FANCM: variants seen among roughly 807,000 people sequenced by gnomAD.
FANCM encodes the protein FA complementation group M.
FANCM carries 140 observed loss-of-function variants against 199.5 expected under a neutral mutation model. That is an observed-to-expected ratio of 0.70 (90% CI 0.61 to 0.81). The LOEUF (loss-of-function observed/expected upper bound fraction) is 0.81, where lower values mean the gene tolerates loss of function less well. FANCM is among the 30% of genes least tolerant of loss of function. FANCM has a pLI of 0.00. For synonymous variants in FANCM, 840 were observed against 836.8 expected (o/e 1.00, Z -0.07); for missense variants, 2,410 against 2,421.4 (o/e 1.00, Z 0.10).
chr14:45,167,438 A>G, intron 11 of FANCM: 1 of 393,736 alleles, frequency 2.5e-6, no homozygotes. Flanking sequence ...GAAAGAAAAC[A>G]GTTTTATTTT....
chr14:45,169,291 G>T (rs1026849206), intron 11 of FANCM, among the ~76,000 whole-genome samples: 9 of 151,906 alleles, frequency 5.9e-5, no homozygotes, highest in African/African-American at 1.9e-4. Context: ...TGGATGTCAG[G>T]TCTGAAAGGG....
intron 9 of FANCM, 48 bp from the exon 10 acceptor site, chr14:45,164,311 G>A: frequency 7.0e-7 from 1 of 1,431,000 alleles, no homozygotes; most frequent in Non-Finnish European, 9.8e-7. Context: ...TTGATCTACA[G>A]TTCTCTTACA....
In FANCM at chr14:45,170,596, G is replaced by T; in HGVS notation, c.2010G>T (p.Arg670Ser). ...TATTTTTTCAACTTATAGGAATGAG[G>T]CAAAGTAGCCTAAAGAAAGATTGGT... The part of the protein sequence containing the change: ...SSIFSYRDGM[R>S]QSSLKKDWFL... The change falls in exon 12 of 23, where the codon AGG becomes AGT. Residue 670 changes from arginine (R) to serine (S), a missense_variant. Arg to Ser is a moderately radical substitution (Grantham distance 110). Transcript: ENST00000267430. The T allele has an allele frequency of 6.3e-7, 1 of 1,598,438 alleles. No homozygotes were observed. Among genetic ancestry groups the T allele is most frequent in the Non-Finnish European group, 8.6e-7 (1 of 1,166,730 alleles).
chr14:45,142,968 C>T (rs1886081821), intron 3 of FANCM, among the ~76,000 whole-genome samples: 1 of 151,982 alleles, frequency 6.6e-6, no homozygotes, highest in Non-Finnish European at 1.5e-5. Context: ...AGTGGTGGTT[C>T]TTGGCTTGCA....
At chr14:45,195,838 A>G (rs1890024389) in intron 20 of FANCM, among the ~76,000 whole-genome samples, 1 of 152,214 alleles carries the variant, frequency 6.6e-6, no homozygotes, top group South Asian at 2.1e-4. Flanking sequence ...TAATCTGCTC[A>G]AAGGTTATTT....
At position 45,173,151 on chromosome 14, in the gene FANCM, G is replaced by T. The variant is rs1888448129; in HGVS notation, c.2257G>T (p.Asp753Tyr). Residue 753 changes from aspartate to tyrosine, a missense_variant, in exon 13 of 23, where the codon GAT (aspartate) becomes TAT (tyrosine). Coordinates refer to ENST00000267430, the MANE Select transcript of FANCM (RefSeq NM_020937.4). ...GCCTACACATCAAGTTGATCACTCA[G>T]ATCGATGCCGCCATTTTATAGGCCT... ...PLPTHQVDHS[D>Y]RCRHFIGLMQ... 2 of 1,613,702 alleles carry T rather than the reference G, an allele frequency of 1.2e-6. No homozygotes were observed. Among genetic ancestry groups the T allele is most frequent in the Non-Finnish European group, 1.7e-6 (2 of 1,179,684 alleles).
rs2139318994 is a variant in FANCM at position 45,196,214 on chromosome 14, T to C, written c.5383T>C (p.Cys1795Arg). ...GGATTCTAGCACTTCAGGGGCATCC[T>C]GTTCCAAGTCAAGACCACATTTAGC... ...LEDSSTSGAS[C>R]SKSRPHLAGT... Residue 1795 changes from cysteine to arginine, a missense_variant, in exon 21 of 23, where the codon TGT becomes CGT. Cys to Arg is a radical substitution (Grantham distance 180). Transcript: ENST00000267430. The C allele has an allele frequency of 6.2e-7, 1 of 1,614,152 alleles. No homozygotes were observed. Among genetic ancestry groups the C allele is most frequent in the South Asian group, 1.1e-5 (1 of 91,090 alleles).
At chr14:45,180,364 T>A (rs1424988553) in intron 14 of FANCM, among the ~76,000 whole-genome samples, 3 of 152,162 alleles carry the variant, frequency 2.0e-5, no homozygotes, top group African/African-American at 7.2e-5. Context: ...GTCATACTGC[T>A]GTTAGTAGGA....
chr14:45,142,876 T>C (rs939797838), intron 3 of FANCM, among the ~76,000 whole-genome samples: 2 of 152,108 alleles, frequency 1.3e-5, no homozygotes, highest in Non-Finnish European at 1.5e-5. Flanking sequence ...ATTGTAAAAT[T>C]ACTGTTATTC....
intron 3 of FANCM, among the ~76,000 whole-genome samples, chr14:45,140,947 G>A (rs1238691271): frequency 6.6e-6 from 1 of 152,132 alleles, no homozygotes; most frequent in East Asian, 1.9e-4. Context: ...GCTGAGTCAG[G>A]AAGATTGCTT....
At chr14:45,197,707 T>C (rs1275690052) in intron 21 of FANCM, among the ~76,000 whole-genome samples, 1 of 151,556 alleles carries the variant, frequency 6.6e-6, no homozygotes, top group South Asian at 2.1e-4. Context: ...TCAGGTGATC[T>C]GCCTGCCTCA....
intron 14 of FANCM, among the ~76,000 whole-genome samples, chr14:45,178,772 G>A (rs191300427): frequency 7.9e-5 from 12 of 152,272 alleles, no homozygotes; most frequent in Admixed American, 7.8e-4. Context: ...TTTACTGAGT[G>A]GTTTTGTATT....
rs768179997 is a variant in FANCM at position 45,177,005 on chromosome 14, ACT to A, written c.4222+32_4222+33del. On this transcript the variant is annotated intron_variant, in intron 14 of 22. Transcript: ENST00000267430. ...AGATTCCATCTTTATAAAGTCTATA[ACT>A]CTTTCTAGAATAATTACTCTAGAAA... 8.0e-6 allele frequency: 11 copies of A among 1,369,604 alleles called. No individual in the cohort carries two copies. In the South Asian group the frequency reaches 1.2e-4, roughly 15 times the overall value. The allele number at this position is 1,369,604 out of a possible 1,614,324, so 84.8% of individuals were successfully genotyped here.
chr14:45,159,307 TA>T, intron 9 of FANCM, 27 bp downstream of exon 9: 1 of 1,541,362 alleles, frequency 6.5e-7, no homozygotes, highest in Non-Finnish European at 9.0e-7. Context: ...TTGATAAAAA[TA>T]AAAATAAGAT....
chr14:45,137,040 A>C, intron 1 of FANCM, 29 bp from the exon 2 acceptor site: 1 of 1,548,198 alleles, frequency 6.5e-7, no homozygotes, highest in Non-Finnish European at 8.9e-7. Context: ...TCTGAAGTTT[A>C]GAATGTAGAA....
intron 6 of FANCM, 84 bp downstream of exon 6, chr14:45,154,136 C>T (rs1233346721): frequency 8.7e-6 from 9 of 1,036,684 alleles, no homozygotes; most frequent in Admixed American, 1.8e-5. Flanking sequence ...CACAGTGGCT[C>T]ATTTCTGTAA....
chr14:45,185,704 C>T (rs1178652375), intron 18 of FANCM, among the ~76,000 whole-genome samples: 2 of 151,902 alleles, frequency 1.3e-5, no homozygotes, highest in East Asian at 1.9e-4. Context: ...ACAAAATAGA[C>T]AAAAAATTTC....
Position 45,198,849 on chromosome 14 carries a change from G to A in FANCM, c.5922G>A (p.Gln1974=). The stretch of plus-strand genomic sequence containing the variant: ...ATAGTAATAAAAGTGAGGCACTCCA[G>A]TTTTATTTAAGTATTCCCAATATAA... ...VVNSNKSEAL[Q]FYLSIPNISY... Residue 1974 remains glutamine, a synonymous_variant, in exon 22 of 23, where the codon CAG becomes CAA. Coordinates refer to ENST00000267430, the MANE Select transcript of FANCM (RefSeq NM_020937.4). The A allele has an allele frequency of 6.2e-7, 1 of 1,610,954 alleles. No individual in the cohort carries two copies.
chr14:45,195,637 G>A (rs1314126723), intron 20 of FANCM: 3 of 446,388 alleles, frequency 6.7e-6, no homozygotes, highest in African/African-American at 6.0e-5. Flanking sequence ...TGTTGTTTTT[G>A]ACCTCGGTGC....
Sources: allele counts gnomAD v4.1 joint callset (sites outside exome capture counted in the v4.1 genomes callset), GRCh38; gene constraint gnomAD v4.1.1; transcripts MANE v1.5; gene names NCBI Gene and HGNC (gene_info 2026-07-23, HGNC 2026-07-21).